Variants in CAP2 observed in about 807,000 individuals in gnomAD.
The protein encoded by CAP2 is cyclase associated actin cytoskeleton regulatory protein 2.
A neutral mutation model predicts 57.7 loss-of-function variants in CAP2; 24 were observed. The observed-to-expected ratio is 0.42, with a 90% CI of 0.30 to 0.58. The LOEUF is 0.58. Ranked by LOEUF, CAP2 falls within the 20% of genes least tolerant of loss-of-function variation. CAP2 has a pLI of 0.22. For synonymous variants in CAP2, 194 were observed against 207.2 expected, an observed-to-expected ratio of 0.94 and a Z score of 0.55; for missense variants, 501 against 590.3, an observed-to-expected ratio of 0.85 and a Z score of 1.57.
chr6:17,464,744 G>A (rs1760818904), intron 4 of CAP2, among the ~76,000 whole-genome samples: 1 of 152,220 alleles, frequency 6.6e-6, no homozygotes, highest in South Asian at 2.1e-4. Flanking sequence ...AAAATATTCC[G>A]TGTTCCACCA....
At chr6:17,456,451 C>T (rs1007296222) in intron 3 of CAP2, among the ~76,000 whole-genome samples, 4 of 152,144 alleles carry the variant, frequency 2.6e-5, no homozygotes, top group African/African-American at 9.7e-5. Context: ...CATTTCTTGT[C>T]TCAATTTCAT....
Position 17,551,484 on chromosome 6 carries a change from A to G in CAP2, c.1230A>G (p.Thr410=). The G allele has an allele frequency of 6.2e-7, 1 of 1,607,494 alleles. No homozygotes were observed. The highest frequency in any genetic ancestry group is 8.5e-7 in the Non-Finnish European group (1 of 1,176,534). Residue 410 remains threonine (T), a synonymous_variant, in exon 12 of 13, where the codon ACA becomes ACG. Transcript: ENST00000229922. ...TTCAGGTAATGGGGAGAGTGCCAAC[A>G]ATTTCCATTAATAAGACAGAAGGTT... ...IQIQVMGRVP[T]ISINKTEGCH... is the part of the protein sequence containing the mutation.
intron 4 of CAP2, among the ~76,000 whole-genome samples, chr6:17,466,030 A>G (rs917846338): frequency 8.5e-5 from 13 of 152,204 alleles, no homozygotes; most frequent in Non-Finnish European, 1.6e-4. Flanking sequence ...CTCTCAGGGT[A>G]TGCTCAAGTC....
chr6:17,394,198 C>A (rs1758614880), intron 1 of CAP2, among the ~76,000 whole-genome samples: 1 of 151,932 alleles, frequency 6.6e-6, no homozygotes, highest in Non-Finnish European at 1.5e-5. Flanking sequence ...CCGGCTCTGA[C>A]CAGAGCCACC....
chr6:17,424,707 G>A (rs898972967), intron 2 of CAP2, among the ~76,000 whole-genome samples: 1 of 152,234 alleles, frequency 6.6e-6, no homozygotes, highest in African/African-American at 2.4e-5. Context: ...ATTAAGGGAT[G>A]CTCAAAGGAT....
At chr6:17,539,993 G>A (rs547759378) in intron 8 of CAP2, among the ~76,000 whole-genome samples, 76 of 152,208 alleles carry the variant, frequency 5.0e-4, no homozygotes, top group Non-Finnish European at 9.3e-4. Flanking sequence ...GAGGTGGGAG[G>A]ATCGCTTGAG....
At position 17,457,677 on chromosome 6, in the gene CAP2, C is replaced by A. The variant is rs115256848; in HGVS notation, c.223-5319C>A. 8.4e-3 allele frequency among the ~76,000 whole-genome samples: 1,272 copies of A among 152,284 alleles called. 16 individuals carry two copies. Among genetic ancestry groups the A allele is most frequent in the African/African-American group, 0.029 (1,203 of 41,552 alleles). ...TCTCAATATTGGGCCATTCTCCACC[C>A]CAACCTCAACTTCTATTGTTCCCAT... On this transcript the variant is annotated intron_variant, in intron 3 of 12. Transcript: ENST00000229922.
At chr6:17,529,971 T>C (rs919997416) in intron 7 of CAP2, among the ~76,000 whole-genome samples, 9 of 150,518 alleles carry the variant, frequency 6.0e-5, no homozygotes, top group Non-Finnish European at 1.2e-4. Context: ...TTGGGCAACA[T>C]AGTGAGACCA....
At chr6:17,532,191 A>AGT (rs1762660914) in intron 7 of CAP2, among the ~76,000 whole-genome samples, 1 of 126,112 alleles carries the variant, frequency 7.9e-6, no homozygotes, top group Non-Finnish European at 1.5e-5. Context: ...CCCAGGCAGG[A>AGT]GTGCAGTGGC....
chr6:17,418,354 G>A (rs983338569), intron 1 of CAP2, among the ~76,000 whole-genome samples: 1 of 152,130 alleles, frequency 6.6e-6, no homozygotes, highest in African/African-American at 2.4e-5. Flanking sequence ...ACCGCCTTAG[G>A]GGCTGTGGCA....
chr6:17,540,345 G>C (rs191424820), intron 8 of CAP2, among the ~76,000 whole-genome samples: 1 of 152,020 alleles, frequency 6.6e-6, no homozygotes, highest in South Asian at 2.1e-4. Flanking sequence ...TGATTTAGCC[G>C]TAAGAGAAGA....
chr6:17,493,884 C>T (rs753863767), intron 4 of CAP2, among the ~76,000 whole-genome samples: 3 of 152,016 alleles, frequency 2.0e-5, no homozygotes, highest in South Asian at 2.1e-4. Flanking sequence ...ACGTCTAAAT[C>T]GGAATTCCTG....
chr6:17,394,653 TAGTTTACTG>T (rs1283441076), intron 1 of CAP2, among the ~76,000 whole-genome samples: 1 of 152,230 alleles, frequency 6.6e-6, no homozygotes, highest in Non-Finnish European at 1.5e-5. Flanking sequence ...TTGAGCACTG[TAGTTTACTG>T]AGTACTCCTA....
intron 4 of CAP2, among the ~76,000 whole-genome samples, chr6:17,496,965 A>G (rs1239880925): frequency 6.6e-6 from 1 of 152,222 alleles, no homozygotes; most frequent in Non-Finnish European, 1.5e-5. Context: ...TGGGAACTTC[A>G]AATGGTGGAT....
chr6:17,445,931 C>T (rs1306298966), intron 3 of CAP2, among the ~76,000 whole-genome samples: 1 of 152,186 alleles, frequency 6.6e-6, no homozygotes, highest in Non-Finnish European at 1.5e-5. Context: ...GAGATAAGTA[C>T]AGAAATTATG....
At chr6:17,451,455 G>A (rs897586174) in intron 3 of CAP2, among the ~76,000 whole-genome samples, 7 of 151,650 alleles carry the variant, frequency 4.6e-5, no homozygotes, top group African/African-American at 1.7e-4. Flanking sequence ...TTCCTGTCTT[G>A]TTTCCCCTGA....
chr6:17,457,669 T>TA (rs1760610246), intron 3 of CAP2, among the ~76,000 whole-genome samples: 1 of 152,218 alleles, frequency 6.6e-6, no homozygotes, highest in Non-Finnish European at 1.5e-5. Flanking sequence ...ATTGGGCCAT[T>TA]CTCCACCCCA....
rs767795044 is a variant in CAP2, at chr6:17,421,639, C to T, written c.84C>T (p.Pro28=). The T allele has an allele frequency of 6.2e-7, 1 of 1,614,106 alleles. No homozygotes were observed. Among genetic ancestry groups the T allele is most frequent in the South Asian group, 1.1e-5 (1 of 91,074 alleles). Residue 28 remains proline, a synonymous_variant, in exon 2 of 13, where the codon CCC becomes CCT. Transcript: ENST00000229922. ...CGCTGTCTGCAGAGTCCCACAGGCCCCCTGGGAACTGCGGGGAAGTCAATG... is the reference window on the plus strand; with the variant it reads ...CGCTGTCTGCAGAGTCCCACAGGCCTCCTGGGAACTGCGGGGAAGTCAATG... ...LESLSAESHR[P]PGNCGEVNGV...
At chr6:17,475,015 T>G (rs1279007438) in intron 4 of CAP2, among the ~76,000 whole-genome samples, 1 of 151,934 alleles carries the variant, frequency 6.6e-6, no homozygotes, top group Non-Finnish European at 1.5e-5. Context: ...ACCAACATAG[T>G]GAAACCCCGT....
Sources: gnomAD v4.1 joint callset for allele counts (sites outside exome capture counted in the v4.1 genomes callset) on GRCh38, gnomAD v4.1.1 for gene constraint, MANE v1.5 for transcripts, NCBI Gene and HGNC (gene_info 2026-07-23, HGNC 2026-07-21) for gene names.